Variants in HERC4 observed in about 807,000 individuals in gnomAD.
HERC4 encodes probable E3 ubiquitin-protein ligase HERC4.
A neutral mutation model predicts 124.3 loss-of-function variants in HERC4; 28 were observed. The ratio of observed to expected loss-of-function variants is 0.23; its 90% CI spans 0.17 to 0.31. The LOEUF (loss-of-function observed/expected upper bound fraction) is 0.31, where lower values mean the gene tolerates loss of function less well. Ranked by LOEUF, HERC4 falls within the 10% of genes least tolerant of loss-of-function variation. The pLI, the probability that HERC4 is intolerant of heterozygous loss-of-function variation, is 1.00. For missense variants in HERC4, 713 were observed against 1,229.3 expected (o/e 0.58, Z 6.28); for synonymous variants, 407 against 421.5 (o/e 0.97, Z 0.42).
intron 3 of HERC4, among the ~76,000 whole-genome samples, chr10:68,057,389 GC>G (rs2040601826): frequency 6.6e-6 from 1 of 152,078 alleles, no homozygotes; most frequent in Non-Finnish European, 1.5e-5. Flanking sequence ...ACTTTGGGAG[GC>G]CAAAGCGGGT....
At chr10:68,030,047 C>T (rs189796378) in intron 7 of HERC4, among the ~76,000 whole-genome samples, 139 of 152,088 alleles carry the variant, frequency 9.1e-4, no homozygotes, top group African/African-American at 3.2e-3. Context: ...CATAATTTTG[C>T]TTTTTAATCA....
chr10:67,941,178 T>C (rs2032852373), intron 19 of HERC4, 73 bp from the exon 20 acceptor site: 1 of 1,043,042 alleles, frequency 9.6e-7, no homozygotes, highest in South Asian at 2.0e-5. Flanking sequence ...TACATAAATA[T>C]GCTCATATAC....
chr10:67,978,301 A>G (rs2035719875), intron 15 of HERC4, among the ~76,000 whole-genome samples: 1 of 152,220 alleles, frequency 6.6e-6, no homozygotes, highest in African/African-American at 2.4e-5. Context: ...TTGGGCCTCA[A>G]GGAAACACTG....
chr10:67,954,732 AT>A lies in HERC4; in HGVS notation c.2199del (p.Phe734LeufsTer21). ...NIDYKKPLKV[I>X]FVGEDAVDAG... ...GCATCCACAGCATCTTCTCCAACAA[AT>A]ATAACCTAAAATAGCACAATGCAAA... On this transcript the variant is annotated frameshift_variant, in exon 19 of 25. Transcript: ENST00000373700. LOFTEE classifies it high-confidence loss of function. The A allele has an allele frequency of 6.2e-7, 1 of 1,613,070 alleles. No homozygotes were observed. The highest frequency in any genetic ancestry group is 8.5e-7 in the Non-Finnish European group (1 of 1,179,578).
rs568608316 is a variant in HERC4, at chr10:67,945,798, T to C, written c.2338-4693A>G. Among the ~76,000 whole-genome samples the C allele has an allele frequency of 3.3e-5, 5 of 151,606 alleles. No individual in the cohort carries two copies. In the East Asian group the frequency reaches 7.8e-4, roughly 24 times the overall value. ...GGTTATAAGCTATTTGCAAGCCTCA[T>C]GGTAAACTCAAATCAAAAAACATAC... On this transcript the variant is annotated intron_variant, in intron 19 of 24. Coordinates refer to ENST00000373700, the MANE Select transcript of HERC4 (RefSeq NM_015601.4).
chr10:67,932,146 C>T (rs1436533206), intron 23 of HERC4, among the ~76,000 whole-genome samples: 2 of 151,578 alleles, frequency 1.3e-5, no homozygotes, highest in Non-Finnish European at 2.9e-5. Context: ...TTAGTAGAGA[C>T]AGGTTTCACC....
chr10:67,955,539 ATGAGGGCAGATTACT>A (rs2034085776), intron 17 of HERC4: 1 of 154,582 alleles, frequency 6.5e-6, no homozygotes, highest in South Asian at 2.0e-4. Context: ...CGGGAGGCCA[ATGAGGGCAGATTACT>A]TGAGGTCAGG....
At chr10:68,069,530 TTCAATA>T (rs2041464162) in intron 3 of HERC4, 3 of 985,316 alleles carry the variant, frequency 3.0e-6, no homozygotes, top group Non-Finnish European at 3.6e-6. Context: ...AACACCTCTT[TTCAATA>T]GGCCACAGGT....
At chr10:67,973,040 G>C (rs2035343960) in intron 15 of HERC4, among the ~76,000 whole-genome samples, 1 of 152,004 alleles carries the variant, frequency 6.6e-6, no homozygotes, top group Non-Finnish European at 1.5e-5. Flanking sequence ...CATGAAAAAA[G>C]AATATACACA....
chr10:68,059,507 A>C (rs1326957323), intron 3 of HERC4, among the ~76,000 whole-genome samples: 2 of 121,318 alleles, frequency 1.6e-5, no homozygotes, highest in East Asian at 2.8e-4. Context: ...TATATATTAT[A>C]ATATTATATA....
chr10:67,923,002 T>C lies in HERC4; in HGVS notation c.3079A>G (p.Thr1027Ala), dbSNP rs370634872. ...CFNLLDLPKY[T>A]EKETLRSKLI... Reference sequence around the variant, plus strand: ...TTAGAGCGTAGAGTTTCTTTTTCTGTATATTTTGGAAGATCCAGAAGATTA... The same window carrying C: ...TTAGAGCGTAGAGTTTCTTTTTCTGCATATTTTGGAAGATCCAGAAGATTA... Residue 1027 changes from threonine to alanine, a missense_variant, in exon 25 of 25, where the codon ACA becomes GCA. Transcript: ENST00000373700. The C allele has an allele frequency of 4.3e-6, 7 of 1,613,580 alleles. No homozygotes were observed. Among genetic ancestry groups the C allele is most frequent in the Non-Finnish European group, 5.9e-6 (7 of 1,179,498 alleles).
chr10:67,928,292 C>G (rs2031378175), intron 23 of HERC4, among the ~76,000 whole-genome samples: 2 of 152,076 alleles, frequency 1.3e-5, no homozygotes, highest in African/African-American at 4.8e-5. Context: ...GAGGTGGAGT[C>G]CATTTCCACT....
At chr10:68,039,945 G>C (rs985826432) in intron 4 of HERC4, 1 of 904,518 alleles carries the variant, frequency 1.1e-6, no homozygotes, top group Non-Finnish European at 1.3e-6. Flanking sequence ...TTTTCCTTCA[G>C]AGCATTTATC....
intron 15 of HERC4, among the ~76,000 whole-genome samples, chr10:67,984,462 GAC>G (rs1037727066): frequency 6.6e-6 from 1 of 152,012 alleles, no homozygotes; most frequent in Non-Finnish European, 1.5e-5. Context: ...ATCTAATGGA[GAC>G]ACAGAGTAGA....
chr10:68,059,485 ATATT>A (rs2040737975), intron 3 of HERC4, among the ~76,000 whole-genome samples: 1 of 104,914 alleles, frequency 9.5e-6, no homozygotes, highest in African/African-American at 4.2e-5. Context: ...ATAATATTAT[ATATT>A]ATAACATTAT....
At chr10:68,024,101 A>T (rs1429202559) in intron 8 of HERC4, among the ~76,000 whole-genome samples, 1 of 152,010 alleles carries the variant, frequency 6.6e-6, no homozygotes, top group East Asian at 1.9e-4. Flanking sequence ...AAACATTATG[A>T]ACTTGTATCT....
At chr10:68,042,972 A>C (rs1331080621) in intron 4 of HERC4, among the ~76,000 whole-genome samples, 1 of 152,196 alleles carries the variant, frequency 6.6e-6, no homozygotes, top group Non-Finnish European at 1.5e-5. Flanking sequence ...ACAGATGTTG[A>C]GCACATACAA....
chr10:68,005,597 C>G (rs1437861509), intron 9 of HERC4, among the ~76,000 whole-genome samples: 1 of 150,568 alleles, frequency 6.6e-6, no homozygotes, highest in Non-Finnish European at 1.5e-5. Flanking sequence ...GTTTTATGGT[C>G]TTCTCTTCCT....
chr10:68,047,174 T>A (rs1357642212), intron 3 of HERC4, among the ~76,000 whole-genome samples: 5 of 139,748 alleles, frequency 3.6e-5, no homozygotes, highest in African/African-American at 1.4e-4. Flanking sequence ...AAGAATAACA[T>A]CCCCAGTTTT....
Sources: allele counts gnomAD v4.1 joint callset (sites outside exome capture counted in the v4.1 genomes callset), GRCh38; gene constraint gnomAD v4.1.1; transcripts MANE v1.5; gene names NCBI Gene and HGNC (gene_info 2026-07-23, HGNC 2026-07-21).